Variants in SLC25A48 observed in about 807,000 individuals in gnomAD.
SLC25A48 encodes CTC-321K16.1.
In SLC25A48, 29 loss-of-function variants were observed where a neutral mutation model predicts 32.2. The observed-to-expected ratio is 0.90, with a 90% confidence interval of 0.67 to 1.23. SLC25A48 has a LOEUF of 1.23. SLC25A48 is among the 50% of genes most tolerant of loss of function. The probability of loss-of-function intolerance (pLI) is 0.00; values close to 1 mark genes in which losing one functional copy is unlikely to be tolerated. For missense variants in SLC25A48, 399 were observed against 422.7 expected (o/e 0.94, Z 0.49); for synonymous variants, 164 against 172.3 (o/e 0.95, Z 0.38).
chr5:135,580,858 C>T (rs1428815980), intron 1 of SLC25A48, among the ~76,000 whole-genome samples: 1 of 152,090 alleles, frequency 6.6e-6, no homozygotes, highest in Non-Finnish European at 1.5e-5. Context: ...TCTTTAATAA[C>T]CTGCTTGCTA....
chr5:135,734,125 G>A (rs747222948), intron 3 of SLC25A48, among the ~76,000 whole-genome samples: 10 of 152,230 alleles, frequency 6.6e-5, no homozygotes, highest in South Asian at 2.1e-4. Flanking sequence ...GGCATTGAGC[G>A]GGGTAAGGGT....
chr5:135,873,680 A>C (rs2126811516), intron 5 of SLC25A48, among the ~76,000 whole-genome samples: 1 of 152,318 alleles, frequency 6.6e-6, no homozygotes, highest in Non-Finnish European at 1.5e-5. Context: ...AAAAACTGCT[A>C]ATAAATACTG....
At chr5:135,586,590 C>G (rs1751371930) in intron 1 of SLC25A48, among the ~76,000 whole-genome samples, 1 of 152,172 alleles carries the variant, frequency 6.6e-6, no homozygotes, top group African/African-American at 2.4e-5. Flanking sequence ...GCTAGGCACA[C>G]TGCTAAGCTC....
At chr5:135,850,641 C>T in intron 3 of SLC25A48, 145 bp downstream of exon 3, 1 of 695,964 alleles carries the variant, frequency 1.4e-6, no homozygotes, top group Non-Finnish European at 2.5e-6. Flanking sequence ...CTTCATCTCA[C>T]ACCACACCTC....
At chr5:135,830,329 A>G (rs2126669789), upstream of SLC25A48, among the ~76,000 whole-genome samples, 1 of 152,354 alleles carries the variant, frequency 6.6e-6, no homozygotes. Context: ...CCCCGTGGCC[A>G]AGAATTTCAG....
At chr5:135,838,709 A>C (rs771574100) in intron 1 of SLC25A48, among the ~76,000 whole-genome samples, 2 of 152,274 alleles carry the variant, frequency 1.3e-5, no homozygotes, top group Admixed American at 6.5e-5. Flanking sequence ...GCAAGCCCCA[A>C]GCCTTGGCAG....
chr5:135,588,802 TGGGCAGCAAGAG>T (rs1220624509), intron 1 of SLC25A48, among the ~76,000 whole-genome samples: 2 of 152,114 alleles, frequency 1.3e-5, no homozygotes. Flanking sequence ...ACAGGGAGTG[TGGGCAGCAAGAG>T]GGTATTGCGG....
intron 7 of SLC25A48, among the ~76,000 whole-genome samples, chr5:135,880,386 T>C (rs1030016468): frequency 1.3e-5 from 2 of 152,166 alleles, no homozygotes; most frequent in African/African-American, 4.8e-5. Flanking sequence ...AACAGCCCTT[T>C]CAGAGAAGTA....
intron 1 of SLC25A48, among the ~76,000 whole-genome samples, chr5:135,583,033 T>C (rs1188992523): frequency 1.3e-5 from 2 of 152,186 alleles, no homozygotes; most frequent in Admixed American, 6.5e-5. Context: ...ATCCTCAGTA[T>C]CTACAACAGT....
At chr5:135,633,973 T>C (rs1193241625) in intron 2 of SLC25A48, among the ~76,000 whole-genome samples, 3 of 152,232 alleles carry the variant, frequency 2.0e-5, no homozygotes, top group African/African-American at 4.8e-5. Flanking sequence ...GGAGGGTAGA[T>C]GCATTTCTCC....
intron 1 of SLC25A48, among the ~76,000 whole-genome samples, chr5:135,605,759 C>G (rs1413600579): frequency 6.6e-6 from 1 of 152,120 alleles, no homozygotes; most frequent in Non-Finnish European, 1.5e-5. Flanking sequence ...TCTGCACTGT[C>G]TTGGATCCCG....
chr5:135,722,635 C>T (rs551541747), intron 3 of SLC25A48, among the ~76,000 whole-genome samples: 4 of 152,330 alleles, frequency 2.6e-5, no homozygotes, highest in South Asian at 4.1e-4. Context: ...AAGGGAATTA[C>T]TAATGGTGCT....
At chr5:135,789,437 T>A (rs919863511) in intron 3 of SLC25A48, among the ~76,000 whole-genome samples, 1 of 151,262 alleles carries the variant, frequency 6.6e-6, no homozygotes, top group East Asian at 2.0e-4. Flanking sequence ...CACTGCAATA[T>A]GGTTTGTAAT....
intron 3 of SLC25A48, among the ~76,000 whole-genome samples, chr5:135,721,969 T>C (rs1754965783): frequency 6.6e-6 from 1 of 152,232 alleles, no homozygotes; most frequent in Non-Finnish European, 1.5e-5. Flanking sequence ...TGAGCCCAGG[T>C]ATGTGGGGCC....
At chr5:135,636,272 A>G (rs1354313932) in intron 3 of SLC25A48, among the ~76,000 whole-genome samples, 3 of 152,150 alleles carry the variant, frequency 2.0e-5, no homozygotes, top group African/African-American at 7.2e-5. Flanking sequence ...TGAGTGAGGC[A>G]TGGTCTCAGC....
chr5:135,876,712 A>G (rs960947475), intron 6 of SLC25A48, among the ~76,000 whole-genome samples: 4 of 152,332 alleles, frequency 2.6e-5, no homozygotes, highest in Non-Finnish European at 2.9e-5. Flanking sequence ...GTACATATCT[A>G]TGTATGCTTG....
At chr5:135,643,498 A>G (rs1752887813) in intron 3 of SLC25A48, among the ~76,000 whole-genome samples, 1 of 152,186 alleles carries the variant, frequency 6.6e-6, no homozygotes, top group South Asian at 2.1e-4. Flanking sequence ...AGCATCTCCC[A>G]TCTAGCCTGT....
rs1758347382 is a variant in SLC25A48, at chr5:135,834,704, G to C, written c.-144G>C. The C allele has an allele frequency of 1.1e-6, 1 of 885,870 alleles. No homozygotes were observed. The highest frequency in any genetic ancestry group is 1.7e-6 in the Non-Finnish European group (1 of 594,318). The allele number at this position is 885,870 out of a possible 1,614,324, so 54.9% of individuals were successfully genotyped here. A position where few individuals can be genotyped will look rare whatever the true frequency, so the allele number is the denominator to read the frequency against. ...GCGGCAGCCCGCGCAGCCGGTGACT[G>C]GGGGACTGGGTTTGGAGTAGGACCT... On this transcript the variant is annotated 5_prime_UTR_variant, in exon 1 of 8. Coordinates refer to ENST00000681962, the MANE Select transcript of SLC25A48 (RefSeq NM_001349336.2).
At chr5:135,835,881 C>A (rs1758464750) in intron 1 of SLC25A48, among the ~76,000 whole-genome samples, 1 of 152,134 alleles carries the variant, frequency 6.6e-6, no homozygotes, top group African/African-American at 2.4e-5. Flanking sequence ...GGCTGCAGGG[C>A]CCTGCTTCAC....
Sources: gnomAD v4.1 joint callset for allele counts (sites outside exome capture counted in the v4.1 genomes callset) on GRCh38, gnomAD v4.1.1 for gene constraint, MANE v1.5 for transcripts, NCBI Gene and HGNC (gene_info 2026-07-23, HGNC 2026-07-21) for gene names.